The following ACER1 variants were observed in gnomAD, a reference collection of about 807,000 sequenced individuals.
ACER1 encodes the protein CTB-180A7.3.
In ACER1, 28 loss-of-function variants were observed where a neutral mutation model predicts 24.9. That is an observed-to-expected ratio of 1.13 (90% CI 0.83 to 1.54). The LOEUF is 1.54. Among genes scored for constraint, ACER1 ranks in the 40% most tolerant of loss-of-function variants. ACER1 has a pLI of 0.00. For synonymous variants in ACER1, 132 were observed against 131.4 expected, an observed-to-expected ratio of 1.00 and a Z score of -0.03; for missense variants, 352 against 349.3, an observed-to-expected ratio of 1.01 and a Z score of -0.06.
upstream of ACER1, among the ~76,000 whole-genome samples, chr19:6,335,666 T>C (rs992855934): frequency 6.6e-6 from 1 of 151,666 alleles, no homozygotes; most frequent in Non-Finnish European, 1.5e-5. Flanking sequence ...CCATTTCTAC[T>C]AAAAATACAA....
chr19:6,307,738 C>T (rs1420661300), intron 4 of ACER1, among the ~76,000 whole-genome samples: 2 of 152,100 alleles, frequency 1.3e-5, no homozygotes, highest in African/African-American at 4.8e-5. Flanking sequence ...CTGCAGTGAG[C>T]CGTGATTGCG....
chr19:6,317,453 C>T (rs982491444), intron 1 of ACER1, among the ~76,000 whole-genome samples: 17 of 152,218 alleles, frequency 1.1e-4, no homozygotes, highest in Admixed American at 8.5e-4. Context: ...CGCCTCCATG[C>T]GCCTCTTCTC....
the ACER1 span, among the ~76,000 whole-genome samples, chr19:6,353,874 A>T: frequency 2.0e-5 from 3 of 150,580 alleles, no homozygotes; most frequent in South Asian, 2.1e-4. Flanking sequence ...TAAAATAAAT[A>T]AAATAAAATA....
upstream of ACER1, among the ~76,000 whole-genome samples, chr19:6,337,119 T>TTGCACC (rs1568315348): frequency 6.7e-6 from 1 of 150,094 alleles, no homozygotes; most frequent in African/African-American, 2.5e-5. Flanking sequence ...GAGGTTGCAG[T>TTGCACC]GAGCCGAGAT....
In ACER1 at chr19:6,309,797, CCA is replaced by C; in HGVS notation, c.386_387del (p.Val129GlyfsTer38). The C allele has an allele frequency of 1.2e-6, 2 of 1,614,060 alleles. No individual in the cohort carries two copies. The highest frequency in any genetic ancestry group is 1.7e-6 in the Non-Finnish European group (2 of 1,179,988). ...QFIRLVFITT[V>X]VSTLLSFLRP... Reference sequence around the variant, plus strand: ...CGCAGGAAGGACAGAAGGGTGCTGACCACAGTGGTGATGAAGACCAGGCGGAT... The same window carrying C: ...CGCAGGAAGGACAGAAGGGTGCTGACCAGTGGTGATGAAGACCAGGCGGAT... On this transcript the variant is annotated frameshift_variant, in exon 4 of 6. Coordinates refer to ENST00000301452, the MANE Select transcript of ACER1 (RefSeq NM_133492.3). LOFTEE classifies it high-confidence loss of function.
intron 1 of ACER1, among the ~76,000 whole-genome samples, chr19:6,323,225 C>A (rs1393184762): frequency 6.6e-6 from 1 of 152,088 alleles, no homozygotes; most frequent in Non-Finnish European, 1.5e-5. Context: ...TAGAGACCAT[C>A]ATGGCTAACA....
intron 1 of ACER1, among the ~76,000 whole-genome samples, chr19:6,315,783 G>T (rs2091600651): frequency 6.6e-6 from 1 of 152,136 alleles, no homozygotes; most frequent in East Asian, 1.9e-4. Context: ...CCAAACTGCT[G>T]GGATTACAGG....
intron 1 of ACER1, among the ~76,000 whole-genome samples, chr19:6,332,165 C>T (rs2091690557): frequency 6.6e-6 from 1 of 151,762 alleles, no homozygotes; most frequent in African/African-American, 2.4e-5. Context: ...TGGGGTTTCA[C>T]CATGTTGGCC....
At position 6,312,540 on chromosome 19, in the gene ACER1, G is replaced by A. The variant is rs149303994; in HGVS notation, c.94-41C>T. Reference sequence around the variant, plus strand: ...CCATAGGGAGGAGCTCGTCAGATAGGGGAGACGGAGGAGGCTGCCCTCTGT... The same window carrying A: ...CCATAGGGAGGAGCTCGTCAGATAGAGGAGACGGAGGAGGCTGCCCTCTGT... On this transcript the variant is annotated intron_variant, in intron 1 of 5. Transcript: ENST00000301452. 7 of 1,532,472 alleles carry A rather than the reference G, an allele frequency of 4.6e-6. No individual in the cohort carries two copies. In the East Asian group the frequency reaches 1.1e-4, roughly 25 times the overall value. 94.9% of individuals were successfully genotyped at this position (1,532,472 alleles called of 1,614,324 possible).
At chr19:6,322,203 T>C (rs1038628104) in intron 1 of ACER1, among the ~76,000 whole-genome samples, 1 of 152,178 alleles carries the variant, frequency 6.6e-6, no homozygotes, top group Non-Finnish European at 1.5e-5. Flanking sequence ...CAACAAGATT[T>C]ATATACAAAT....
Position 6,333,606 on chromosome 19 carries a change from T to G in ACER1, c.-55A>C. 1 of 1,469,500 alleles carries G rather than the reference T, an allele frequency of 6.8e-7. No individual in the cohort carries two copies. The highest frequency in any genetic ancestry group is 9.2e-7 in the Non-Finnish European group (1 of 1,082,516). The allele number at this position is 1,469,500 out of a possible 1,614,324, so 91.0% of individuals were successfully genotyped here. A position where few individuals can be genotyped will look rare whatever the true frequency, so the allele number is the denominator to read the frequency against. ...GCGCCCGGCAGAGAGAAGGCGAGCT[T>G]GGGAAGGCTGGGCCCTGATGAGGCG... On this transcript the variant is annotated 5_prime_UTR_variant, in exon 1 of 6. Coordinates refer to ENST00000301452, the MANE Select transcript of ACER1 (RefSeq NM_133492.3).
intron 4 of ACER1, 133 bp downstream of exon 4, chr19:6,309,564 G>C: frequency 8.5e-7 from 1 of 1,178,248 alleles, no homozygotes; most frequent in South Asian, 1.4e-5. Context: ...CAGTCAGTCA[G>C]GTTCAAATCC....
At chr19:6,314,030 G>C (rs1336960487) in intron 1 of ACER1, among the ~76,000 whole-genome samples, 1 of 152,116 alleles carries the variant, frequency 6.6e-6, no homozygotes, top group Non-Finnish European at 1.5e-5. Flanking sequence ...ACTTTGGGAG[G>C]CTGAGGCAGG....
At chr19:6,318,772 C>A in intron 1 of ACER1, among the ~76,000 whole-genome samples, 1 of 150,350 alleles carries the variant, frequency 6.7e-6, no homozygotes, top group Non-Finnish European at 1.5e-5. Context: ...CGCAACAGAG[C>A]AAGACTCCGT....
chr19:6,324,827 AGG>A (rs2091651258), intron 1 of ACER1, among the ~76,000 whole-genome samples: 1 of 112,426 alleles, frequency 8.9e-6, no homozygotes, highest in Admixed American at 1.0e-4. Context: ...AGAGAAGGAA[AGG>A]AAGGAAGGAA....
chr19:6,306,665 G>C lies in ACER1; in HGVS notation c.*49C>G. ...GTCCTGACCGGGGCTATCTTCTCAAGACACAGGCAAGTTGTTGGGTGGTTG... is the reference window on the plus strand; with the variant it reads ...GTCCTGACCGGGGCTATCTTCTCAACACACAGGCAAGTTGTTGGGTGGTTG... On this transcript the variant is annotated 3_prime_UTR_variant, in exon 6 of 6. Coordinates refer to ENST00000301452, the MANE Select transcript of ACER1 (RefSeq NM_133492.3). The C allele has an allele frequency of 1.3e-6, 2 of 1,562,080 alleles. No homozygotes were observed. Among genetic ancestry groups the C allele is most frequent in the Non-Finnish European group, 1.7e-6 (2 of 1,150,492 alleles).
chr19:6,315,249 G>T (rs1405434971), intron 1 of ACER1, among the ~76,000 whole-genome samples: 4 of 151,718 alleles, frequency 2.6e-5, no homozygotes, highest in Non-Finnish European at 5.9e-5. Flanking sequence ...TGTTGCCGAG[G>T]CTGGAATGCA....
At chr19:6,335,224 C>CTTTTT (rs146932699), upstream of ACER1, among the ~76,000 whole-genome samples, 1,401 of 102,160 alleles carry the variant, frequency 0.014, 74 homozygotes, top group African/African-American at 0.051. Flanking sequence ...ATTTAACGTT[C>CTTTTT]TTTTTTTTTT....
At chr19:6,359,494 T>A in the ACER1 span, among the ~76,000 whole-genome samples, 1 of 151,980 alleles carries the variant, frequency 6.6e-6, no homozygotes, top group African/African-American at 2.4e-5. Flanking sequence ...AATTTTGTAT[T>A]TTTAATAGAG....
Sources: allele counts gnomAD v4.1 joint callset (sites outside exome capture counted in the v4.1 genomes callset), GRCh38; gene constraint gnomAD v4.1.1; transcripts MANE v1.5; gene names NCBI Gene and HGNC (gene_info 2026-07-23, HGNC 2026-07-21).